DTWD2: variants seen among roughly 807,000 people sequenced by gnomAD.
DTWD2 encodes the protein tRNA-uridine aminocarboxypropyltransferase 2.
A neutral mutation model predicts 31.8 loss-of-function variants in DTWD2; 39 were observed. The observed-to-expected ratio is 1.22, with a 90% confidence interval of 0.95 to 1.60. DTWD2 has a LOEUF of 1.60. DTWD2 is among the 40% of genes most tolerant of loss of function. The pLI is 0.00. For missense variants in DTWD2, 515 were observed against 381.5 expected (o/e 1.35, Z -2.92); for synonymous variants, 180 against 142.8 (o/e 1.26, Z -1.86).
intron 4 of DTWD2, among the ~76,000 whole-genome samples, chr5:118,877,979 C>T (rs1166982663): frequency 1.3e-5 from 2 of 152,084 alleles, no homozygotes; most frequent in East Asian, 1.9e-4. Flanking sequence ...AGGAATACAA[C>T]TAACTAGGGA....
intron 4 of DTWD2, among the ~76,000 whole-genome samples, chr5:118,898,192 T>C (rs1461216415): frequency 6.6e-6 from 1 of 152,146 alleles, no homozygotes; most frequent in Non-Finnish European, 1.5e-5. Context: ...TCCCAGTCTT[T>C]TATATTGGTA....
At chr5:118,963,867 C>T (rs1190436766) in intron 1 of DTWD2, among the ~76,000 whole-genome samples, 1 of 152,138 alleles carries the variant, frequency 6.6e-6, no homozygotes, top group East Asian at 1.9e-4. Context: ...TAACAACCAA[C>T]CTTCATTCAT....
At chr5:118,916,849 A>G (rs1286824556) in intron 4 of DTWD2, among the ~76,000 whole-genome samples, 3 of 152,144 alleles carry the variant, frequency 2.0e-5, no homozygotes, top group African/African-American at 7.2e-5. Context: ...ACTTGTCACT[A>G]ACTCTAGTGT....
chr5:118,953,887 C>CA (rs1211602831), intron 1 of DTWD2, among the ~76,000 whole-genome samples: 1 of 152,148 alleles, frequency 6.6e-6, no homozygotes, highest in East Asian at 1.9e-4. Context: ...GAGTGTCTAG[C>CA]AACTGGTGCT....
At chr5:118,971,501 A>G (rs1262761339) in intron 1 of DTWD2, among the ~76,000 whole-genome samples, 1 of 152,184 alleles carries the variant, frequency 6.6e-6, no homozygotes, top group Non-Finnish European at 1.5e-5. Context: ...TTAGAGATCT[A>G]CAAAGAGACT....
At chr5:118,875,599 C>G (rs1013508799) in intron 4 of DTWD2, among the ~76,000 whole-genome samples, 2 of 97,242 alleles carry the variant, frequency 2.1e-5, no homozygotes, top group Non-Finnish European at 4.4e-5. Flanking sequence ...TTTAAACCAA[C>G]AAAGATCATA....
At chr5:118,878,454 G>C (rs756922034) in intron 4 of DTWD2, among the ~76,000 whole-genome samples, 1 of 152,186 alleles carries the variant, frequency 6.6e-6, no homozygotes, top group Non-Finnish European at 1.5e-5. Flanking sequence ...TAACTGGCTA[G>C]TCATATGCAG....
At chr5:118,922,467 TG>T (rs1466165348) in intron 4 of DTWD2, among the ~76,000 whole-genome samples, 14 of 151,782 alleles carry the variant, frequency 9.2e-5, no homozygotes, top group African/African-American at 1.5e-4. Context: ...AAAACAGGGG[TG>T]GGGGTATATG....
At chr5:118,889,203 T>G (rs1752928542) in intron 4 of DTWD2, among the ~76,000 whole-genome samples, 1 of 152,158 alleles carries the variant, frequency 6.6e-6, no homozygotes, top group Non-Finnish European at 1.5e-5. Context: ...CCTGACCTGG[T>G]CCTTCCCTGG....
intron 4 of DTWD2, among the ~76,000 whole-genome samples, chr5:118,896,345 A>G (rs909442167): frequency 6.6e-6 from 1 of 152,220 alleles, no homozygotes; most frequent in Admixed American, 6.5e-5. Context: ...AATAAAAATT[A>G]TAGTACATCT....
At chr5:118,970,358 T>C (rs1010150489) in intron 1 of DTWD2, among the ~76,000 whole-genome samples, 5 of 151,748 alleles carry the variant, frequency 3.3e-5, no homozygotes, top group African/African-American at 1.2e-4. Context: ...ACCCGGGAGG[T>C]GGAGATTGCA....
intron 4 of DTWD2, among the ~76,000 whole-genome samples, chr5:118,876,124 G>C (rs765328095): frequency 3.3e-5 from 5 of 152,158 alleles, no homozygotes; most frequent in Non-Finnish European, 7.4e-5. Context: ...ATAATGAAAT[G>C]AAGGCAGAAA....
intron 4 of DTWD2, among the ~76,000 whole-genome samples, chr5:118,917,795 A>C (rs1753612306): frequency 6.6e-6 from 1 of 152,054 alleles, no homozygotes; most frequent in Non-Finnish European, 1.5e-5. Flanking sequence ...AACATGGTGA[A>C]ACCTTGTCTC....
rs185330306 is a variant in DTWD2 at position 118,843,168 on chromosome 5, G to C, written c.727-2081C>G. 4.2e-3 allele frequency among the ~76,000 whole-genome samples: 637 copies of C among 151,930 alleles called. 9 individuals are homozygous for C. Among genetic ancestry groups the C allele is most frequent in the East Asian group, 0.029 (148 of 5,134 alleles). On this transcript the variant is annotated intron_variant, in intron 5 of 5. Transcript: ENST00000510708. Reference sequence around the variant, plus strand: ...GACGGGGTTTCACCATATTGGCCAGGCTGGTCTCGAACTCCTGACCTCGTG... The same window carrying C: ...GACGGGGTTTCACCATATTGGCCAGCCTGGTCTCGAACTCCTGACCTCGTG...
chr5:118,961,225 AACTAAG>A (rs761368673), intron 1 of DTWD2, among the ~76,000 whole-genome samples: 37 of 152,348 alleles, frequency 2.4e-4, no homozygotes, highest in Non-Finnish European at 4.7e-4. Flanking sequence ...GTTATGGATC[AACTAAG>A]ACTGAGAATC....
chr5:118,922,396 T>C (rs939165056), intron 4 of DTWD2, among the ~76,000 whole-genome samples: 3 of 152,202 alleles, frequency 2.0e-5, no homozygotes, highest in Non-Finnish European at 2.9e-5. Flanking sequence ...TAGAGCAAAA[T>C]TTTTACACTA....
At chr5:118,915,444 G>A (rs543096709) in intron 4 of DTWD2, among the ~76,000 whole-genome samples, 2 of 149,372 alleles carry the variant, frequency 1.3e-5, no homozygotes, top group East Asian at 2.0e-4. Context: ...GCGCAATCTC[G>A]GCTCACTGCA....
intron 3 of DTWD2, among the ~76,000 whole-genome samples, chr5:118,932,585 G>A (rs1753952017): frequency 6.6e-6 from 1 of 152,136 alleles, no homozygotes; most frequent in East Asian, 1.9e-4. Flanking sequence ...TTAAAGAAGT[G>A]ATTAAGTTAA....
chr5:118,916,793 G>A (rs1398669458), intron 4 of DTWD2, among the ~76,000 whole-genome samples: 1 of 151,912 alleles, frequency 6.6e-6, no homozygotes, highest in Non-Finnish European at 1.5e-5. Context: ...TACAATTTTA[G>A]TCATAGTTAT....
Sources: gnomAD v4.1 joint callset for allele counts (sites outside exome capture counted in the v4.1 genomes callset) on GRCh38, gnomAD v4.1.1 for gene constraint, MANE v1.5 for transcripts, NCBI Gene and HGNC (gene_info 2026-07-23, HGNC 2026-07-21) for gene names.